Variants in ERC1 observed in about 807,000 individuals in gnomAD.
The protein encoded by ERC1 is RAB6 interacting protein 2.
A neutral mutation model predicts 132.0 loss-of-function variants in ERC1; 56 were observed. The observed-to-expected ratio is 0.42, with a 90% confidence interval of 0.34 to 0.53. The LOEUF is 0.53. ERC1 is among the 20% of genes least tolerant of loss of function. The pLI is 0.03. For missense variants in ERC1, 1,202 were observed against 1,349.9 expected, an observed-to-expected ratio of 0.89 and a Z score of 1.72; for synonymous variants, 478 against 476.1, an observed-to-expected ratio of 1.00 and a Z score of -0.05.
chr12:1,103,499 GTTGTTATGGA>G (rs1944903847), intron 3 of ERC1, among the ~76,000 whole-genome samples: 1 of 152,186 alleles, frequency 6.6e-6, no homozygotes, highest in Non-Finnish European at 1.5e-5. Flanking sequence ...CAGTTAGAAG[GTTGTTATGGA>G]TTAAAAGGTA....
intron 15 of ERC1, among the ~76,000 whole-genome samples, chr12:1,360,027 T>G (rs1479796245): frequency 6.6e-6 from 1 of 152,198 alleles, no homozygotes; most frequent in Non-Finnish European, 1.5e-5. Flanking sequence ...TGGATTTTAT[T>G]CTAAACAGTA....
intron 1 of ERC1, among the ~76,000 whole-genome samples, chr12:1,024,472 G>T (rs1966799280): frequency 6.6e-6 from 1 of 152,050 alleles, no homozygotes; most frequent in Admixed American, 6.5e-5. Context: ...CCACCTGTGT[G>T]TTCACATTTT....
At chr12:1,038,598 A>G (rs1160606338) in intron 2 of ERC1, among the ~76,000 whole-genome samples, 1 of 152,098 alleles carries the variant, frequency 6.6e-6, no homozygotes, top group Non-Finnish European at 1.5e-5. Flanking sequence ...TGACCTGGTG[A>G]TCTACCTGCT....
intron 7 of ERC1, among the ~76,000 whole-genome samples, chr12:1,138,177 AATAT>A (rs564335054): frequency 5.1e-5 from 6 of 117,826 alleles, no homozygotes; most frequent in African/African-American, 2.3e-4. Flanking sequence ...AATTGTATAT[AATAT>A]ATATCATATA....
intron 12 of ERC1, among the ~76,000 whole-genome samples, chr12:1,214,651 CGT>C (rs1958203680): frequency 2.2e-5 from 3 of 133,486 alleles, no homozygotes; most frequent in Admixed American, 1.5e-4. Context: ...CATAAATATG[CGT>C]GTGTGTATAC....
rs1327519020 is a variant in ERC1, at chr12:1,440,228, A to G, written c.3025-4334A>G. 3.4e-4 allele frequency among the ~76,000 whole-genome samples: 46 copies of G among 133,936 alleles called. 1 individual carries two copies. The highest frequency in any genetic ancestry group is 4.8e-4 in the African/African-American group (16 of 33,176). The allele number at this position is 133,936 out of a possible 152,430, so 87.9% of individuals were successfully genotyped here. A position where few individuals can be genotyped will look rare whatever the true frequency, so the allele number is the denominator to read the frequency against. On this transcript the variant is annotated intron_variant, in intron 17 of 18. Transcript: ENST00000360905. ...TTTTTTTTTTTTTTTTCCTTGAGAC[A>G]GAGTCTTGCTCTGTCGCCCAGGCTG...
At chr12:1,144,613 G>GGTATATATATATATATATATAC (rs1304122906) in intron 8 of ERC1, among the ~76,000 whole-genome samples, 7 of 126,252 alleles carry the variant, frequency 5.5e-5, no homozygotes, top group Admixed American at 7.4e-5. Flanking sequence ...AGAATTTTGT[G>GGTATATATATATATATATATAC]GTATATATAT....
intron 17 of ERC1, among the ~76,000 whole-genome samples, chr12:1,408,907 C>G (rs1317410759): frequency 6.6e-6 from 1 of 152,054 alleles, no homozygotes; most frequent in Non-Finnish European, 1.5e-5. Context: ...GAATGGTGAA[C>G]AGATTACCTC....
At chr12:1,135,608 G>A (rs1949170504) in intron 7 of ERC1, among the ~76,000 whole-genome samples, 1 of 152,154 alleles carries the variant, frequency 6.6e-6, no homozygotes, top group African/African-American at 2.4e-5. Flanking sequence ...GGCTCTAAAT[G>A]CAATGACTGG....
intron 12 of ERC1, among the ~76,000 whole-genome samples, chr12:1,233,112 A>G (rs2075166304): frequency 6.6e-6 from 1 of 152,196 alleles, no homozygotes; most frequent in South Asian, 2.1e-4. Flanking sequence ...GGTGAACTCT[A>G]CACACAGAAG....
At chr12:1,309,958 T>G (rs183551588) in intron 15 of ERC1, among the ~76,000 whole-genome samples, 270 of 150,476 alleles carry the variant, frequency 1.8e-3, no homozygotes, top group Non-Finnish European at 3.3e-3. Context: ...TTTGTTTTGT[T>G]TTGTTTTGAG....
intron 15 of ERC1, among the ~76,000 whole-genome samples, chr12:1,338,049 T>C (rs1043614545): frequency 6.6e-6 from 1 of 152,220 alleles, no homozygotes; most frequent in Non-Finnish European, 1.5e-5. Context: ...TCATTGGGGT[T>C]CTCTGCATTT....
chr12:1,008,485 C>T (rs148335703), intron 1 of ERC1, among the ~76,000 whole-genome samples: 3,054 of 152,070 alleles, frequency 0.02, 59 homozygotes, highest in Non-Finnish European at 0.035. Flanking sequence ...CTATGTTGCC[C>T]AGGCTGGTCT....
intron 18 of ERC1, among the ~76,000 whole-genome samples, chr12:1,489,538 G>A (rs547211749): frequency 6.6e-6 from 1 of 152,346 alleles, no homozygotes; most frequent in South Asian, 2.1e-4. Flanking sequence ...TTGAAGGAAT[G>A]TGAAAGAGGC....
chr12:1,289,822 CTGT>C, intron 14 of ERC1, 27 bp from the exon 15 acceptor site: 5 of 1,600,666 alleles, frequency 3.1e-6, no homozygotes, highest in Non-Finnish European at 4.3e-6. Context: ...TCAAGACACT[CTGT>C]TGTTCTCTTT....
At chr12:1,440,122 C>T (rs2154407570) in intron 17 of ERC1, among the ~76,000 whole-genome samples, 1 of 151,200 alleles carries the variant, frequency 6.6e-6, no homozygotes, top group East Asian at 1.9e-4. Flanking sequence ...AAACATTTAT[C>T]TTTTCTTTGT....
Position 1,068,484 on chromosome 12 carries a change from TA to T in ERC1, c.670-14670del, listed in dbSNP as rs34202335. On this transcript the variant is annotated intron_variant, in intron 2 of 18. Transcript: ENST00000360905. ...AATAATTACTTTTCCCTTTAGGAAT[TA>T]AAAAAAAAAGTAGTCACTCAGGGAT... Among the ~76,000 whole-genome samples the T allele has an allele frequency of 3.8e-4, 57 of 148,766 alleles. 1 individual carries two copies. Among genetic ancestry groups the T allele is most frequent in the African/African-American group, 1.2e-3 (50 of 40,740 alleles).
At chr12:1,305,153 T>C (rs1360460630) in intron 15 of ERC1, among the ~76,000 whole-genome samples, 2 of 152,176 alleles carry the variant, frequency 1.3e-5, no homozygotes, top group East Asian at 1.9e-4. Flanking sequence ...GCTACTTTCC[T>C]TGGGAGTCCT....
intron 7 of ERC1, among the ~76,000 whole-genome samples, chr12:1,130,547 C>A (rs553059750): frequency 6.6e-6 from 1 of 151,626 alleles, no homozygotes; most frequent in African/African-American, 2.4e-5. Flanking sequence ...ACTGTGTCTT[C>A]TTTGTCTGCT....
Sources: allele counts gnomAD v4.1 joint callset (sites outside exome capture counted in the v4.1 genomes callset), GRCh38; gene constraint gnomAD v4.1.1; transcripts MANE v1.5; gene names NCBI Gene and HGNC (gene_info 2026-07-23, HGNC 2026-07-21).